CFAP221: variants seen among roughly 807,000 people sequenced by gnomAD.
CFAP221 encodes the protein cilia and flagella associated protein 221.
A neutral mutation model predicts 113.1 loss-of-function variants in CFAP221; 97 were observed. That is an observed-to-expected ratio of 0.86 (90% CI 0.73 to 1.02). The LOEUF (loss-of-function observed/expected upper bound fraction) is 1.02. CFAP221 is among the 50% of genes least tolerant of loss of function. The pLI is 0.00. For missense variants in CFAP221, 1,025 were observed against 1,013.4 expected (o/e 1.01, Z -0.16); for synonymous variants, 331 against 354.4 (o/e 0.93, Z 0.74).
At position 119,615,471 on chromosome 2, in the gene CFAP221, TAATAAATAAATGCTC is replaced by T. The variant is rs1434692674; in HGVS notation, c.1312-138_1312-124del. ...TAATGCTGTGTACACTAAAAGTGCTTAATAAATAAATGCTCACTAAGCAATACAACAAATAAATAA... is the reference window on the plus strand; with the variant it reads ...TAATGCTGTGTACACTAAAAGTGCTTACTAAGCAATACAACAAATAAATAA... On this transcript the variant is annotated intron_variant, in intron 13 of 23. Transcript: ENST00000413369. 4.5e-6 allele frequency: 3 copies of T among 663,944 alleles called. No individual in the cohort carries two copies. In the East Asian group the frequency reaches 8.5e-5, roughly 19 times the overall value. The allele number at this position is 663,944 out of a possible 1,614,324, so 41.1% of individuals were successfully genotyped here. A position where few individuals can be genotyped will look rare whatever the true frequency, so the allele number is the denominator to read the frequency against.
chr2:119,615,078 C>A (rs1040220898), intron 13 of CFAP221, among the ~76,000 whole-genome samples: 1 of 152,198 alleles, frequency 6.6e-6, no homozygotes, highest in Non-Finnish European at 1.5e-5. Flanking sequence ...ATATAATTTC[C>A]TTATTCAAGA....
At chr2:119,583,821 C>T (rs940277897) in intron 6 of CFAP221, among the ~76,000 whole-genome samples, 2 of 152,124 alleles carry the variant, frequency 1.3e-5, no homozygotes, top group African/African-American at 4.8e-5. Context: ...GCTTCGTAGC[C>T]CCTTCCATTA....
intron 12 of CFAP221, 107 bp downstream of exon 12, chr2:119,608,696 G>A: frequency 2.2e-6 from 2 of 895,968 alleles, no homozygotes; most frequent in Non-Finnish European, 3.6e-6. Context: ...AGTTGGGAGT[G>A]GGAAAGGCTG....
intron 3 of CFAP221, among the ~76,000 whole-genome samples, chr2:119,552,859 A>T (rs1189897245): frequency 6.6e-6 from 1 of 151,244 alleles, no homozygotes; most frequent in Admixed American, 6.6e-5. Context: ...AATAAGAAAT[A>T]AATAAATAGA....
chr2:119,579,203 TTGC>T (rs1682675431), intron 6 of CFAP221, among the ~76,000 whole-genome samples: 1 of 151,998 alleles, frequency 6.6e-6, no homozygotes, highest in African/African-American at 2.4e-5. Context: ...TAACATGTAC[TTGC>T]CTTAATATTT....
chr2:119,591,097 A>G (rs1683562714), intron 7 of CFAP221, among the ~76,000 whole-genome samples: 1 of 152,182 alleles, frequency 6.6e-6, no homozygotes, highest in African/African-American at 2.4e-5. Context: ...TAGTGAGATA[A>G]CCGGCAGAGG....
At chr2:119,606,037 C>A (rs557175251) in intron 11 of CFAP221, among the ~76,000 whole-genome samples, 95 of 152,034 alleles carry the variant, frequency 6.2e-4, no homozygotes, top group Non-Finnish European at 1.2e-3. Flanking sequence ...GCAACATTTG[C>A]ATATTTCAAT....
chr2:119,621,499 C>T (rs909518070), intron 14 of CFAP221, among the ~76,000 whole-genome samples: 22 of 152,118 alleles, frequency 1.4e-4, no homozygotes, highest in African/African-American at 5.3e-4. Flanking sequence ...AGAAAATTAA[C>T]AAGGATATTC....
intron 5 of CFAP221, among the ~76,000 whole-genome samples, chr2:119,560,557 G>C (rs1681171479): frequency 6.6e-6 from 1 of 152,068 alleles, no homozygotes; most frequent in African/African-American, 2.4e-5. Flanking sequence ...AGCCAGAGCT[G>C]CCGTCATTCC....
chr2:119,656,507 C>T lies in CFAP221; in HGVS notation c.*37C>T, dbSNP rs6761357. On this transcript the variant is annotated 3_prime_UTR_variant, in exon 24 of 24. Coordinates refer to ENST00000413369, the MANE Select transcript of CFAP221 (RefSeq NM_001271049.2). ...AGGTCAGTCCCTTCCATTTGCTTTC[C>T]GTGGGCCACTGTGGCCCCTTGCGTC... 0.64 allele frequency: 964,852 copies of T among 1,501,990 alleles called. 311,478 individuals carry two copies. Among genetic ancestry groups the T allele is most frequent in the South Asian group, 0.69 (60,475 of 87,686 alleles). The allele number at this position is 1,501,990 out of a possible 1,614,324, so 93.0% of individuals were successfully genotyped here. A position where few individuals can be genotyped will look rare whatever the true frequency, so the allele number is the denominator to read the frequency against.
chr2:119,638,019 A>G (rs1176490634), intron 19 of CFAP221: 2 of 335,580 alleles, frequency 6.0e-6, no homozygotes, highest in Non-Finnish European at 5.4e-6. Context: ...GTAAACCCAT[A>G]TGGTTTGTAA....
intron 5 of CFAP221, 79 bp from the exon 6 acceptor site, chr2:119,561,935 A>C (rs2104542556): frequency 1.1e-6 from 1 of 914,224 alleles, no homozygotes; most frequent in Middle Eastern, 2.2e-4. Context: ...AAACAAGATA[A>C]GAAATAAAGC....
intron 3 of CFAP221, among the ~76,000 whole-genome samples, chr2:119,553,313 G>A (rs897497976): frequency 2.6e-5 from 4 of 152,166 alleles, no homozygotes; most frequent in South Asian, 2.1e-4. Flanking sequence ...AACAAACGGC[G>A]TATTTGGAGG....
intron 20 of CFAP221, 138 bp from the exon 21 acceptor site, chr2:119,639,643 G>C: frequency 2.9e-6 from 2 of 680,600 alleles, no homozygotes; most frequent in South Asian, 3.7e-5. Context: ...TTTTGCTTCA[G>C]AAAAATTCAA....
downstream of CFAP221, among the ~76,000 whole-genome samples, chr2:119,658,850 G>T (rs906204534): frequency 1.3e-5 from 2 of 151,976 alleles, no homozygotes; most frequent in African/African-American, 2.4e-5. Flanking sequence ...ATTTAGCCAG[G>T]CATGGTGGCA....
intron 6 of CFAP221, among the ~76,000 whole-genome samples, chr2:119,572,366 G>T (rs114534776): frequency 6.6e-6 from 1 of 152,020 alleles, no homozygotes; most frequent in African/African-American, 2.4e-5. Context: ...AACCATTATG[G>T]CTGGTTAAAA....
intron 6 of CFAP221, among the ~76,000 whole-genome samples, chr2:119,585,479 C>A (rs1683149305): frequency 6.6e-6 from 1 of 152,180 alleles, no homozygotes. Context: ...GAAGGAGCTA[C>A]AAGGAGCTTC....
chr2:119,647,007 C>T lies in CFAP221; in HGVS notation c.2275C>T (p.Leu759Phe). The T allele has an allele frequency of 6.2e-7, 1 of 1,613,772 alleles. No individual in the cohort carries two copies. The highest frequency in any genetic ancestry group is 8.5e-7 in the Non-Finnish European group (1 of 1,179,884). Residue 759 changes from leucine to phenylalanine, a missense_variant, in exon 22 of 24, where the codon CTT (leucine) becomes TTT (phenylalanine). Physicochemically the swap from Leu to Phe is conservative, Grantham distance 22. Coordinates refer to ENST00000413369, the MANE Select transcript of CFAP221 (RefSeq NM_001271049.2). Reference protein sequence around the residue: ...FMLPIDVPAILDALPEEDRLE... With the variant: ...FMLPIDVPAIFDALPEEDRLE... ...GCTTCCGATAGACGTCCCTGCCATC[C>T]TTGATGCCTTACCAGAAGAGGACAG...
intron 3 of CFAP221, among the ~76,000 whole-genome samples, chr2:119,551,421 A>G (rs138119281): frequency 6.6e-6 from 1 of 152,274 alleles, no homozygotes; most frequent in African/African-American, 2.4e-5. Context: ...ATTTAGACCT[A>G]TAGTTTATTT....
Sources: allele counts gnomAD v4.1 joint callset (sites outside exome capture counted in the v4.1 genomes callset), GRCh38; gene constraint gnomAD v4.1.1; transcripts MANE v1.5; gene names NCBI Gene and HGNC (gene_info 2026-07-23, HGNC 2026-07-21).